HCRTR2: variants seen among roughly 807,000 people sequenced by gnomAD.
HCRTR2 encodes orexin receptor type 2.
HCRTR2 carries 22 observed loss-of-function variants against 49.0 expected under a neutral mutation model. The ratio of observed to expected loss-of-function variants is 0.45; its 90% CI spans 0.32 to 0.64. The LOEUF (loss-of-function observed/expected upper bound fraction) is 0.64, where lower values mean the gene tolerates loss of function less well. HCRTR2 is among the 30% of genes least tolerant of loss of function. The pLI is 0.04. For synonymous variants in HCRTR2, 236 were observed against 205.3 expected (o/e 1.15, Z -1.28); for missense variants, 491 against 559.4 (o/e 0.88, Z 1.23).
Position 55,145,152 on chromosome 6 carries a change from TCA to T in HCRTR2, c.-377-29058_-377-29057del. 2.0e-5 allele frequency among the ~76,000 whole-genome samples: 3 copies of T among 152,330 alleles called. No individual in the cohort carries two copies. The Middle Eastern group carries it at 0.01, about 518-fold the overall frequency. On this transcript the variant is annotated intron_variant, in intron 1 of 7. Coordinates refer to the HCRTR2 transcript ENST00000615358. ...CCCTCCTTCTCATTCCTTGTTTTAC[TCA>T]TTTACCTTGTCTTCATATTCTGATA...
intron 1 of HCRTR2, among the ~76,000 whole-genome samples, chr6:55,194,103 A>G (rs910544171): frequency 1.5e-4 from 23 of 152,210 alleles, no homozygotes; most frequent in Non-Finnish European, 2.4e-4. Flanking sequence ...AACAAAAAAC[A>G]AAAATAAACA....
chr6:55,107,766 T>G (rs1283777788), intron 1 of HCRTR2, among the ~76,000 whole-genome samples: 3 of 152,164 alleles, frequency 2.0e-5, no homozygotes, highest in African/African-American at 4.8e-5. Flanking sequence ...TTTGATTTTC[T>G]AAATTTACTG....
intron 1 of HCRTR2, among the ~76,000 whole-genome samples, chr6:55,229,006 G>A (rs137914551): frequency 6.6e-6 from 1 of 152,006 alleles, no homozygotes; most frequent in Non-Finnish European, 1.5e-5. Context: ...TGTGCATGTG[G>A]ACGAGGCTGA....
At chr6:55,241,971 C>T (rs577257278) in intron 1 of HCRTR2, among the ~76,000 whole-genome samples, 10 of 149,552 alleles carry the variant, frequency 6.7e-5, no homozygotes, top group African/African-American at 2.2e-4. Flanking sequence ...CGGGTTCAAG[C>T]GATTCTCCTG....
At chr6:55,255,406 A>T in intron 3 of HCRTR2, 27 bp downstream of exon 3, 1 of 1,613,180 alleles carries the variant, frequency 6.2e-7, no homozygotes, top group African/African-American at 1.3e-5. Context: ...CCATCAACTG[A>T]CATTTATATT....
chr6:55,125,113 T>A (rs559909005), intron 1 of HCRTR2, among the ~76,000 whole-genome samples: 17 of 152,178 alleles, frequency 1.1e-4, no homozygotes, highest in Non-Finnish European at 1.6e-4. Flanking sequence ...CCAATTTACA[T>A]TTAAGGTTAA....
intron 1 of HCRTR2, among the ~76,000 whole-genome samples, chr6:55,184,742 C>A (rs1765189357): frequency 1.3e-5 from 2 of 152,106 alleles, no homozygotes; most frequent in African/African-American, 4.8e-5. Flanking sequence ...AATGGAAATA[C>A]AACAATGATT....
At chr6:55,174,487 C>T, upstream of HCRTR2, 1 of 1,007,406 alleles carries the variant, frequency 9.9e-7, no homozygotes, top group Non-Finnish European at 1.6e-6. Context: ...GGAGCCCCTT[C>T]TAGCCTCTCC....
At chr6:55,150,485 A>ACACCTCCCCATTTC (rs1764650164) in intron 1 of HCRTR2, among the ~76,000 whole-genome samples, 1 of 151,912 alleles carries the variant, frequency 6.6e-6, no homozygotes, top group South Asian at 2.1e-4. Flanking sequence ...CCCTTTGGTT[A>ACACCTCCCCATTTC]CACCTCCCCA....
chr6:55,219,974 A>C (rs1231794065), intron 1 of HCRTR2, among the ~76,000 whole-genome samples: 1 of 152,152 alleles, frequency 6.6e-6, no homozygotes. Context: ...AGAAATACAC[A>C]ACCTACCAAG....
intron 1 of HCRTR2, among the ~76,000 whole-genome samples, chr6:55,187,741 G>A (rs1056204863): frequency 4.5e-5 from 5 of 110,260 alleles, no homozygotes; most frequent in African/African-American, 1.8e-4. Flanking sequence ...AGCTGCTATT[G>A]TGTTAGTTGT....
intron 1 of HCRTR2, among the ~76,000 whole-genome samples, chr6:55,141,889 C>T (rs997404457): frequency 6.6e-6 from 1 of 151,768 alleles, no homozygotes; most frequent in Admixed American, 6.6e-5. Flanking sequence ...GCTATAGAAA[C>T]CCATGTAAAA....
chr6:55,268,295 A>G (rs1204468125), intron 4 of HCRTR2, among the ~76,000 whole-genome samples: 2 of 152,240 alleles, frequency 1.3e-5, no homozygotes, highest in African/African-American at 4.8e-5. Context: ...GGAAGACAAG[A>G]GATACAATAT....
At chr6:55,166,363 A>C (rs763384275) in intron 1 of HCRTR2, among the ~76,000 whole-genome samples, 5 of 149,144 alleles carry the variant, frequency 3.4e-5, no homozygotes, top group Non-Finnish European at 7.4e-5. Flanking sequence ...GAAGTCCAAA[A>C]GACTTCTTCT....
At chr6:55,233,805 A>T (rs1213708175) in intron 1 of HCRTR2, among the ~76,000 whole-genome samples, 1 of 152,228 alleles carries the variant, frequency 6.6e-6, no homozygotes, top group Non-Finnish European at 1.5e-5. Context: ...AACTATATTC[A>T]AAAATAGGAA....
intron 1 of HCRTR2, among the ~76,000 whole-genome samples, chr6:55,147,874 T>C (rs991252234): frequency 4.6e-5 from 7 of 152,276 alleles, no homozygotes; most frequent in African/African-American, 1.7e-4. Context: ...ATTTGTAGAA[T>C]CTGCCTAAAT....
chr6:55,117,826 C>G (rs989592462), intron 1 of HCRTR2, among the ~76,000 whole-genome samples: 2 of 146,306 alleles, frequency 1.4e-5, no homozygotes, highest in African/African-American at 2.5e-5. Flanking sequence ...AACTTATCCT[C>G]TTGCCAGTTA....
intron 2 of HCRTR2, among the ~76,000 whole-genome samples, chr6:55,251,061 G>T (rs954959374): frequency 6.6e-6 from 1 of 152,108 alleles, no homozygotes; most frequent in South Asian, 2.1e-4. Context: ...GTGCCAATGG[G>T]CAATAAACAT....
chr6:55,238,152 T>A (rs541724889), intron 1 of HCRTR2, among the ~76,000 whole-genome samples: 2 of 152,318 alleles, frequency 1.3e-5, no homozygotes, highest in South Asian at 4.1e-4. Context: ...TTCTATCTAC[T>A]CTTACAAAGC....
Sources: allele counts gnomAD v4.1 joint callset (sites outside exome capture counted in the v4.1 genomes callset), GRCh38; gene constraint gnomAD v4.1.1; transcripts MANE v1.5; gene names NCBI Gene and HGNC (gene_info 2026-07-23, HGNC 2026-07-21).